The following CD96 variants were observed in gnomAD, a reference collection of about 807,000 sequenced individuals.
The protein encoded by CD96 is CD96 molecule.
In CD96, 70 loss-of-function variants were observed where a neutral mutation model predicts 71.3. The observed-to-expected ratio is 0.98, with a 90% CI of 0.81 to 1.20. The LOEUF is 1.20. CD96 is among the 50% of genes most tolerant of loss of function. The pLI is 0.00. For missense variants in CD96, 742 were observed against 677.5 expected (o/e 1.10, Z -1.06); for synonymous variants, 248 against 233.0 (o/e 1.06, Z -0.59).
intron 2 of CD96, among the ~76,000 whole-genome samples, chr3:111,548,900 A>G (rs1934553360): frequency 6.6e-6 from 1 of 152,152 alleles, no homozygotes; most frequent in Admixed American, 6.6e-5. Flanking sequence ...TTGAGTGCTT[A>G]CAGTGCTAGA....
At position 111,571,851 on chromosome 3, in the gene CD96, T is replaced by C. The variant is rs527327805; in HGVS notation, c.543+4204T>C. 5.9e-5 allele frequency among the ~76,000 whole-genome samples: 9 copies of C among 152,320 alleles called. No individual in the cohort carries two copies. The South Asian group carries it at 1.7e-3, about 28-fold the overall frequency. On this transcript the variant is annotated intron_variant, in intron 3 of 13. Coordinates refer to ENST00000352690, the MANE Select transcript of CD96 (RefSeq NM_005816.5). Reference sequence around the variant, plus strand: ...CCATCTAATGTCCTTATAAAGTAGATTACATAGGGTGGTTATAGTCTCCCT... The same window carrying C: ...CCATCTAATGTCCTTATAAAGTAGACTACATAGGGTGGTTATAGTCTCCCT...
At chr3:111,649,549 T>A in intron 13 of CD96, 149 bp from the exon 14 acceptor site, 1 of 701,508 alleles carries the variant, frequency 1.4e-6, no homozygotes, top group Non-Finnish European at 2.6e-6. Flanking sequence ...CACAGGGTTA[T>A]GCCAGCAAAA....
chr3:111,609,400 T>C (rs1576385148), intron 8 of CD96, among the ~76,000 whole-genome samples: 1 of 152,296 alleles, frequency 6.6e-6, no homozygotes, highest in East Asian at 1.9e-4. Context: ...GCACTTACTA[T>C]ATATCAGGTA....
At chr3:111,618,171 G>A (rs1402297826) in intron 8 of CD96, among the ~76,000 whole-genome samples, 2 of 152,176 alleles carry the variant, frequency 1.3e-5, no homozygotes, top group Non-Finnish European at 2.9e-5. Flanking sequence ...CTCACCCTTG[G>A]CAGGTGTGGG....
chr3:111,562,181 C>G (rs1346006750), intron 2 of CD96, among the ~76,000 whole-genome samples: 1 of 152,196 alleles, frequency 6.6e-6, no homozygotes, highest in African/African-American at 2.4e-5. Flanking sequence ...GCGTCGCTCA[C>G]GTTGGGAGCT....
chr3:111,546,697 C>T (rs1041176564), intron 2 of CD96, among the ~76,000 whole-genome samples: 3 of 152,082 alleles, frequency 2.0e-5, no homozygotes, highest in Middle Eastern at 3.4e-3. Flanking sequence ...AAAAATAACT[C>T]GTGAAGGTCA....
intron 7 of CD96, 87 bp downstream of exon 7, chr3:111,601,001 CA>C: frequency 1.2e-6 from 1 of 864,786 alleles, no homozygotes. Flanking sequence ...TTATCACTTC[CA>C]TAACGTTTTA....
intron 2 of CD96, among the ~76,000 whole-genome samples, chr3:111,563,372 C>A (rs1242494353): frequency 6.6e-6 from 1 of 152,118 alleles, no homozygotes; most frequent in Non-Finnish European, 1.5e-5. Flanking sequence ...TTAAGTCTGC[C>A]CATTGTGGAA....
intron 7 of CD96, among the ~76,000 whole-genome samples, chr3:111,605,506 T>C (rs757778476): frequency 4.6e-5 from 7 of 152,214 alleles, no homozygotes; most frequent in Admixed American, 1.3e-4. Context: ...TTGTGTGTCA[T>C]GCTGAAGAGT....
chr3:111,570,803 C>T (rs1935943394), intron 3 of CD96: 2 of 1,613,650 alleles, frequency 1.2e-6, no homozygotes, highest in South Asian at 1.1e-5. Context: ...AAGCAGGTGG[C>T]CCTGGAGGCA....
intron 3 of CD96, chr3:111,577,364 A>G: frequency 1.3e-6 from 1 of 758,232 alleles, no homozygotes; most frequent in Non-Finnish European, 2.4e-6. Context: ...TTAATTATTG[A>G]CCTCCAGACT....
At chr3:111,665,973 T>C (rs537962577), downstream of CD96, among the ~76,000 whole-genome samples, 42 of 152,342 alleles carry the variant, frequency 2.8e-4, no homozygotes, top group African/African-American at 9.9e-4. Flanking sequence ...TATTTATCTG[T>C]TCAATAAATA....
chr3:111,547,618 G>T (rs1934478812), intron 2 of CD96, among the ~76,000 whole-genome samples: 1 of 152,164 alleles, frequency 6.6e-6, no homozygotes, highest in South Asian at 2.1e-4. Context: ...TTAAAGAAAT[G>T]TATTTCTTAA....
At chr3:111,630,096 A>G (rs1319325440) in intron 10 of CD96, among the ~76,000 whole-genome samples, 7 of 152,288 alleles carry the variant, frequency 4.6e-5, no homozygotes, top group African/African-American at 1.7e-4. Flanking sequence ...ATCACAACTA[A>G]AAGAACTAGA....
At chr3:111,564,954 C>G (rs2107539958) in intron 2 of CD96, among the ~76,000 whole-genome samples, 1 of 152,262 alleles carries the variant, frequency 6.6e-6, no homozygotes, top group South Asian at 2.1e-4. Flanking sequence ...CCTGTCCTGT[C>G]TTATTGGATT....
At chr3:111,550,123 A>ATCCTGG (rs1934620458) in intron 2 of CD96, among the ~76,000 whole-genome samples, 1 of 152,222 alleles carries the variant, frequency 6.6e-6, no homozygotes, top group South Asian at 2.1e-4. Flanking sequence ...TGGGTCACAA[A>ATCCTGG]AACCTGGAAA....
At chr3:111,632,852 A>G (rs1306966308) in intron 10 of CD96, among the ~76,000 whole-genome samples, 1 of 152,250 alleles carries the variant, frequency 6.6e-6, no homozygotes, top group Non-Finnish European at 1.5e-5. Flanking sequence ...TGTTATTTTC[A>G]GCAAACTAAT....
At chr3:111,658,694 A>T (rs952467890) in intron 14 of CD96, among the ~76,000 whole-genome samples, 1 of 152,230 alleles carries the variant, frequency 6.6e-6, no homozygotes, top group Non-Finnish European at 1.5e-5. Context: ...TGCTCCTCCA[A>T]ATGTAATACT....
chr3:111,663,732 A>C (rs1940410257), intron 14 of CD96, among the ~76,000 whole-genome samples: 1 of 149,356 alleles, frequency 6.7e-6, no homozygotes, highest in Non-Finnish European at 1.5e-5. Flanking sequence ...AAGGTTGTGA[A>C]GAAAAGAAAT....
Sources: allele counts gnomAD v4.1 joint callset (sites outside exome capture counted in the v4.1 genomes callset), GRCh38; gene constraint gnomAD v4.1.1; transcripts MANE v1.5; gene names NCBI Gene and HGNC (gene_info 2026-07-23, HGNC 2026-07-21).